Variants in PRKACG observed in about 807,000 individuals in gnomAD.
The protein encoded by PRKACG is cAMP-dependent protein kinase catalytic subunit gamma.
Under a neutral mutation model 25.6 loss-of-function variants are expected in PRKACG, and 24 were observed. The observed-to-expected ratio is 0.94, with a 90% CI of 0.68 to 1.32. PRKACG has a LOEUF of 1.32. Among genes scored for constraint, PRKACG ranks in the 40% most tolerant of loss-of-function variants. PRKACG has a pLI of 0.00. For missense variants in PRKACG, 481 were observed against 462.9 expected (o/e 1.04, Z -0.36); for synonymous variants, 202 against 195.9 (o/e 1.03, Z -0.26).
At position 69,013,362 on chromosome 9, in the gene PRKACG, G is replaced by A; in HGVS notation, c.731C>T (p.Pro244Leu). The A allele has an allele frequency of 1.2e-6, 2 of 1,613,934 alleles. No homozygotes were observed. Among genetic ancestry groups the A allele is most frequent in the African/African-American group, 1.3e-5 (1 of 75,040 alleles). Residue 244 changes from proline (P) to leucine (L), a missense_variant, in exon 1 of 1, where the codon CCC becomes CTC. Pro to Leu is a moderately conservative substitution (Grantham distance 98). Transcript: ENST00000377276. ...VGFPPFYADQ[P>L]IQIYEKIVSG... ...GACGATCTTCTCGTAGATCTGGATG[G>A]GCTGGTCGGCGTAGAAGGGTGGGAA... is the stretch of plus-strand genomic sequence containing the variant.
chr9:69,012,948 G>T lies in PRKACG; in HGVS notation c.*89C>A, dbSNP rs1453359042. ...TGAAATTAGATACAAGGAACTCTGG[G>T]GCCCTCTGGCTGTTCAATCCAACCC... On this transcript the variant is annotated 3_prime_UTR_variant, in exon 1 of 1. Transcript: ENST00000377276. 9.9e-6 allele frequency: 13 copies of T among 1,314,150 alleles called. No homozygotes were observed. The highest frequency in any genetic ancestry group is 1.5e-5 in the African/African-American group (1 of 67,644). The allele number at this position is 1,314,150 out of a possible 1,614,324, so 81.4% of individuals were successfully genotyped here.
In PRKACG at chr9:69,013,641, A is replaced by ACC; in HGVS notation, c.450_451dup (p.Val151GlyfsTer19). 6.2e-7 allele frequency: 1 copy of ACC among 1,613,788 alleles called. No homozygotes were observed. Among genetic ancestry groups the ACC allele is most frequent in the African/African-American group, 1.3e-5 (1 of 74,964 alleles). Reference sequence around the variant, plus strand: ...GTGTAGGTACTGGACGGCCAGGACGACCTGGGCGGCATAGAAACAGGCATG... The same window carrying ACC: ...GTGTAGGTACTGGACGGCCAGGACGACCCCTGGGCGGCATAGAAACAGGCATG... On this transcript the variant is annotated frameshift_variant, in exon 1 of 1. Coordinates refer to ENST00000377276, the MANE Select transcript of PRKACG (RefSeq NM_002732.4). LOFTEE classifies it high-confidence loss of function.
chr9:69,013,023 G>C lies in PRKACG; in HGVS notation c.*14C>G, dbSNP rs751751099. ...CAAAAAGGAAAGAAAACCCACAGGG[G>C]CACAAGCACACCCCTAAAACTCAGA... On this transcript the variant is annotated 3_prime_UTR_variant, in exon 1 of 1. Transcript: ENST00000377276. The C allele has an allele frequency of 6.8e-6, 11 of 1,606,184 alleles. No individual in the cohort carries two copies. In the South Asian group the frequency reaches 1.1e-4, roughly 16 times the overall value.
chr9:69,013,738 G>C lies in PRKACG; in HGVS notation c.355C>G (p.Leu119Val). 6.2e-7 allele frequency: 1 copy of C among 1,614,086 alleles called. No homozygotes were observed. The highest frequency in any genetic ancestry group is 8.5e-7 in the Non-Finnish European group (1 of 1,180,030). The change falls in exon 1 of 1, where the codon CTG becomes GTG. Residue 119 changes from leucine to valine, a missense_variant. Coordinates refer to ENST00000377276, the MANE Select transcript of PRKACG (RefSeq NM_002732.4). ...CCACCCGGCACGTACTCCATCACCA[G>C]GTACAGGTAGGAGTTGTCCTTAAAG... The part of the protein sequence containing the change: ...FSFKDNSYLY[L>V]VMEYVPGGEM...
At position 69,013,545 on chromosome 9, in the gene PRKACG, A is replaced by G; in HGVS notation, c.548T>C (p.Val183Ala). Residue 183 changes from valine to alanine, a missense_variant, in exon 1 of 1, where the codon GTG becomes GCG. By Grantham distance (64) the Val-to-Ala change is moderately conservative. Transcript: ENST00000377276. ...LLIDQQGYLQVTDFGFAKRVK... is the reference protein window; with the variant it reads ...LLIDQQGYLQATDFGFAKRVK... ...GCGCTTGGCGAAACCGAAGTCCGTC[A>G]CCTGCAGGTAGCCCTGCTGGTCGAT... The G allele has an allele frequency of 6.2e-7, 1 of 1,613,764 alleles. No individual in the cohort carries two copies.
At position 69,012,842 on chromosome 9, in the gene PRKACG, G is replaced by T. The variant is rs566948575; in HGVS notation, c.*195C>A. 2,501 of 594,438 alleles carry T rather than the reference G, an allele frequency of 4.2e-3. 11 individuals are homozygous for T. Among genetic ancestry groups the T allele is most frequent in the Non-Finnish European group, 6.2e-3 (2,107 of 339,046 alleles). The allele number at this position is 594,438 out of a possible 1,614,324, so 36.8% of individuals were successfully genotyped here. On this transcript the variant is annotated 3_prime_UTR_variant, in exon 1 of 1. Coordinates refer to ENST00000377276, the MANE Select transcript of PRKACG (RefSeq NM_002732.4). The stretch of plus-strand genomic sequence containing the variant: ...AGAGGGACCAGGAAGGCATGGGGGG[G>T]GGTGAGGGAGCAGCTGGTGTTTCTG...
Position 69,013,103 on chromosome 9 carries a change from G to A in PRKACG, c.990C>T (p.Asp330=). ...TGPGDASNFD[D]YEEEELRISI... is the part of the protein sequence containing the mutation. The stretch of plus-strand genomic sequence containing the variant: ...AGATCCGGAGCTCTTCCTCCTCGTA[G>A]TCGTCAAAGTTACTGGCATCCCCAG... Residue 330 remains aspartate, a synonymous_variant, in exon 1 of 1, where the codon GAC becomes GAT. Coordinates refer to ENST00000377276, the MANE Select transcript of PRKACG (RefSeq NM_002732.4). The A allele has an allele frequency of 3.1e-6, 5 of 1,614,202 alleles. No individual in the cohort carries two copies. Among genetic ancestry groups the A allele is most frequent in the Non-Finnish European group, 4.2e-6 (5 of 1,180,050 alleles).
Position 69,013,328 on chromosome 9 carries a change from C to A in PRKACG, c.765G>T (p.Arg255Ser). The A allele has an allele frequency of 6.2e-7, 1 of 1,614,110 alleles. No individual in the cohort carries two copies. The highest frequency in any genetic ancestry group is 1.1e-5 in the South Asian group (1 of 91,078). Residue 255 changes from arginine to serine, a missense_variant, in exon 1 of 1, where the codon AGG (arginine) becomes AGT (serine). By Grantham distance (110) the Arg-to-Ser change is moderately radical (BLOSUM62 -1). Coordinates refer to ENST00000377276, the MANE Select transcript of PRKACG (RefSeq NM_002732.4). ...IQIYEKIVSG[R>S]VRFPSKLSSD... is the part of the protein sequence containing the mutation. ...AGCTGAGTTTGGAGGGAAACCGCAC[C>A]CTCCCAGAGACGATCTTCTCGTAGA...
In PRKACG at chr9:69,013,778, G is replaced by C; in HGVS notation, c.315C>G (p.Val105=). 1 of 1,614,014 alleles carries C rather than the reference G, an allele frequency of 6.2e-7. No individual in the cohort carries two copies. The highest frequency in any genetic ancestry group is 8.5e-7 in the Non-Finnish European group (1 of 1,180,022). ...ILQAIDFPFL[V]KLQFSFKDNS... ...TGTCCTTAAAGGAGAACTGGAGCTTGACGAGGAACGGAAAGTCGATCGCCT... is the reference window on the plus strand; with the variant it reads ...TGTCCTTAAAGGAGAACTGGAGCTTCACGAGGAACGGAAAGTCGATCGCCT... The change falls in exon 1 of 1, where the codon GTC becomes GTG. Residue 105 remains valine (V), a synonymous_variant. Transcript: ENST00000377276.
rs139930215 is a variant in PRKACG, at chr9:69,014,056, C to T, written c.37G>A (p.Glu13Lys). ...NAPAKKDTEQ[E>K]ESVNEFLAKA... ...GCTAGGAACTCGTTCACGCTCTCCT[C>T]CTGCTCGGTGTCCTTCTTGGCGGGG... The change falls in exon 1 of 1, where the codon GAG becomes AAG. Residue 13 changes from glutamate (E) to lysine (K), a missense_variant. Glu to Lys is a moderately conservative substitution (Grantham distance 56). Transcript: ENST00000377276. 3.7e-6 allele frequency: 6 copies of T among 1,611,544 alleles called. No homozygotes were observed. Among genetic ancestry groups the T allele is most frequent in the Admixed American group, 1.7e-5 (1 of 59,976 alleles).
Position 69,013,204 on chromosome 9 carries a change from A to G in PRKACG, c.889T>C (p.Trp297Arg), listed in dbSNP as rs754741305. ...NGVGDIKNHK[W>R]FATTSWIAIY... ...GCGATCCAGCTGGTTGTGGCGAACC[A>G]CTTGTGGTTCTTGATGTCGCCAACC... is the stretch of plus-strand genomic sequence containing the variant. Residue 297 changes from tryptophan to arginine, a missense_variant, in exon 1 of 1, where the codon TGG (tryptophan) becomes CGG (arginine). By Grantham distance (101) the Trp-to-Arg change is moderately radical. Transcript: ENST00000377276. The G allele has an allele frequency of 6.2e-7, 1 of 1,613,980 alleles. No homozygotes were observed. Among genetic ancestry groups the G allele is most frequent in the Middle Eastern group, 1.6e-4 (1 of 6,062 alleles).
rs1564319843 is a variant in PRKACG, at chr9:69,013,957, G to T, written c.136C>A (p.Arg46=). ...GAGCCCATGCCCAGCGTCCTGAGCC[G>T]TTCGAACTGATCCGAGCTGGCGGTG... The part of the protein sequence containing the change: ...QNTASSDQFE[R]LRTLGMGSFG... Residue 46 remains arginine (R), a synonymous_variant, in exon 1 of 1, where the codon CGG becomes AGG. Coordinates refer to ENST00000377276, the MANE Select transcript of PRKACG (RefSeq NM_002732.4). 9.9e-6 allele frequency: 16 copies of T among 1,613,788 alleles called. No individual in the cohort carries two copies. The highest frequency in any genetic ancestry group is 1.3e-5 in the Non-Finnish European group (15 of 1,179,982).
In PRKACG at chr9:69,013,283, C is replaced by T. The variant is rs148792477; in HGVS notation, c.810G>A (p.Leu270=). 8.5e-5 allele frequency: 138 copies of T among 1,614,156 alleles called. No individual in the cohort carries two copies. The East Asian group carries it at 2.2e-3, about 26-fold the overall frequency. The change falls in exon 1 of 1, where the codon CTG becomes CTA. Residue 270 remains leucine, a synonymous_variant. Transcript: ENST00000377276. ...SKLSSDLKHL[L]RSLLQVDLTK... ...TGAGGTCCACCTGCAGCAGGCTCCG[C>T]AGCAGATGCTTGAGGTCAGAGCTGA...
Position 69,013,533 on chromosome 9 carries a change from C to A in PRKACG, c.560G>T (p.Gly187Val), listed in dbSNP as rs1564319437. Residue 187 changes from glycine (G) to valine (V), a missense_variant, in exon 1 of 1, where the codon GGT (glycine) becomes GTT (valine). Transcript: ENST00000377276. ...QQGYLQVTDFGFAKRVKGRTW... is the reference protein window; with the variant it reads ...QQGYLQVTDFVFAKRVKGRTW... Reference sequence around the variant, plus strand: ...GCGGCCCTTCACGCGCTTGGCGAAACCGAAGTCCGTCACCTGCAGGTAGCC... The same window carrying A: ...GCGGCCCTTCACGCGCTTGGCGAAAACGAAGTCCGTCACCTGCAGGTAGCC... The A allele has an allele frequency of 2.5e-6, 4 of 1,613,892 alleles. No homozygotes were observed.
Position 69,013,481 on chromosome 9 carries a change from C to CTCTGG in PRKACG, c.607_611dup (p.Glu204AspfsTer11). The CTCTGG allele has an allele frequency of 6.2e-7, 1 of 1,614,044 alleles. No individual in the cohort carries two copies. The highest frequency in any genetic ancestry group is 8.5e-7 in the Non-Finnish European group (1 of 1,180,046). ...TCAGGATGATCTCGGGGGCCAGGTA[C>CTCTGG]TCTGGGGTCCCGCACAAGGTCCAAG... is the stretch of plus-strand genomic sequence containing the variant. On this transcript the variant is annotated frameshift_variant, in exon 1 of 1. Coordinates refer to ENST00000377276, the MANE Select transcript of PRKACG (RefSeq NM_002732.4). LOFTEE classifies it high-confidence loss of function.
chr9:69,013,711 C>T lies in PRKACG; in HGVS notation c.382G>A (p.Glu128Lys), dbSNP rs754116006. 1 of 1,614,060 alleles carries T rather than the reference C, an allele frequency of 6.2e-7. No homozygotes were observed. Among genetic ancestry groups the T allele is most frequent in the Non-Finnish European group, 8.5e-7 (1 of 1,179,984 alleles). Reference sequence around the variant, plus strand: ...ACGCGCTGTAGGCGGGAGAACATCTCCCCACCCGGCACGTACTCCATCACC... The same window carrying T: ...ACGCGCTGTAGGCGGGAGAACATCTTCCCACCCGGCACGTACTCCATCACC... Reference protein sequence around the residue: ...YLVMEYVPGGEMFSRLQRVGR... With the variant: ...YLVMEYVPGGKMFSRLQRVGR... The change falls in exon 1 of 1, where the codon GAG (glutamate) becomes AAG (lysine). Residue 128 changes from glutamate (E) to lysine (K), a missense_variant. By Grantham distance (56) the Glu-to-Lys change is moderately conservative (BLOSUM62 1). Coordinates refer to ENST00000377276, the MANE Select transcript of PRKACG (RefSeq NM_002732.4).
In PRKACG at chr9:69,012,666, G is replaced by A. The variant is rs984770865; in HGVS notation, c.*371C>T. ...CTCTTAGTAAGTGGTGCCTGTTCAGGGCTGGAGTTAAGTTTGAGCCCCTCT... is the reference window on the plus strand; with the variant it reads ...CTCTTAGTAAGTGGTGCCTGTTCAGAGCTGGAGTTAAGTTTGAGCCCCTCT... On this transcript the variant is annotated 3_prime_UTR_variant, in exon 1 of 1. Coordinates refer to ENST00000377276, the MANE Select transcript of PRKACG (RefSeq NM_002732.4). 4.5e-6 allele frequency: 1 copy of A among 224,106 alleles called. No individual in the cohort carries two copies. The highest frequency in any genetic ancestry group is 8.9e-6 in the Non-Finnish European group (1 of 112,948). The allele number at this position is 224,106 out of a possible 1,614,324, so 13.9% of individuals were successfully genotyped here.
rs1185248799 is a variant in PRKACG, at chr9:69,013,082, C to T, written c.1011G>A (p.Arg337=). ...NFDDYEEEEL[R]ISINEKCAKE... ...TGGCACACTTCTCATTGATGGAGAT[C>T]CGGAGCTCTTCCTCCTCGTAGTCGT... The change falls in exon 1 of 1, where the codon CGG becomes CGA. Residue 337 remains arginine, a synonymous_variant. Transcript: ENST00000377276. 6.2e-7 allele frequency: 1 copy of T among 1,614,194 alleles called. No homozygotes were observed. Among genetic ancestry groups the T allele is most frequent in the Non-Finnish European group, 8.5e-7 (1 of 1,180,042 alleles).
At position 69,014,056 on chromosome 9, in the gene PRKACG, C is replaced by G. The variant is rs139930215; in HGVS notation, c.37G>C (p.Glu13Gln). 347 of 1,611,428 alleles carry G rather than the reference C, an allele frequency of 2.2e-4. No individual in the cohort carries two copies. Among genetic ancestry groups the G allele is most frequent in the Non-Finnish European group, 2.7e-4 (321 of 1,179,366 alleles). Residue 13 changes from glutamate to glutamine, a missense_variant, in exon 1 of 1, where the codon GAG (glutamate) becomes CAG (glutamine). Transcript: ENST00000377276. ...NAPAKKDTEQ[E>Q]ESVNEFLAKA... is the part of the protein sequence containing the mutation. ...GCTAGGAACTCGTTCACGCTCTCCT[C>G]CTGCTCGGTGTCCTTCTTGGCGGGG...
Sources: allele counts gnomAD v4.1 joint callset, GRCh38; gene constraint gnomAD v4.1.1; transcripts MANE v1.5; gene names NCBI Gene and HGNC (gene_info 2026-07-23, HGNC 2026-07-21).